Variants in SPANXN4 observed in about 807,000 individuals in gnomAD.
SPANXN4 encodes the protein SPANX family member N4.
SPANXN4 carries 5 observed loss-of-function variants against 6.0 expected under a neutral mutation model. The observed-to-expected ratio is 0.83, with a 90% CI of 0.44 to 1.75. The LOEUF is 1.75. SPANXN4 is among the 40% of genes most tolerant of loss of function. The pLI, the probability that SPANXN4 is intolerant of heterozygous loss-of-function variation, is 0.02. For synonymous variants in SPANXN4, 45 were observed against 38.0 expected, an observed-to-expected ratio of 1.19 and a Z score of -0.68; for missense variants, 157 against 108.6, an observed-to-expected ratio of 1.45 and a Z score of -1.98.
intron 1 of SPANXN4, among the ~76,000 whole-genome samples, chrX:143,031,816 G>C (rs184243035): frequency 2.7e-5 from 3 of 111,635 alleles, no homozygotes; most frequent in East Asian, 2.8e-4. Context: ...TGGATGTCGG[G>C]GGCTGACTGG....
intron 2 of SPANXN4, chrX:143,034,257 A>T: frequency 8.7e-7 from 1 of 1,144,732 alleles, no homozygotes; most frequent in East Asian, 3.2e-5. Flanking sequence ...TCCAAATTGG[A>T]CAAATCATCA....
chrX:143,027,792 A>G (rs142890640), intron 1 of SPANXN4, among the ~76,000 whole-genome samples: 1 of 109,660 alleles, frequency 9.1e-6, no homozygotes, highest in Non-Finnish European at 1.9e-5. Flanking sequence ...AGGGGGCTCA[A>G]CTGTTAGAGG....
intron 1 of SPANXN4, among the ~76,000 whole-genome samples, chrX:143,032,749 C>A (rs1569429569): frequency 1.8e-5 from 2 of 111,421 alleles, no homozygotes; most frequent in Non-Finnish European, 3.8e-5. Flanking sequence ...GAATGAGTAT[C>A]TCCAGAGGGT....
downstream of SPANXN4, among the ~76,000 whole-genome samples, chrX:143,038,187 A>G (rs58801313): frequency 1.7e-3 from 195 of 112,042 alleles, 1 homozygote; most frequent in African/African-American, 6.2e-3. Flanking sequence ...CACTTGCACT[A>G]GTGACATTTG....
chrX:143,032,329 G>A (rs1005729002), intron 1 of SPANXN4, among the ~76,000 whole-genome samples: 2 of 111,166 alleles, frequency 1.8e-5, no homozygotes, highest in Admixed American at 1.9e-4. Flanking sequence ...AAGGCCTTTG[G>A]GTGTGTGCCT....
intron 1 of SPANXN4, among the ~76,000 whole-genome samples, chrX:143,030,176 G>C (rs1932801924): frequency 9.0e-6 from 1 of 110,851 alleles, no homozygotes; most frequent in African/African-American, 3.3e-5. Context: ...TGCACAGCTG[G>C]AAGTATCCCA....
At chrX:143,026,782 A>C (rs1478160302) in intron 1 of SPANXN4, among the ~76,000 whole-genome samples, 2 of 110,986 alleles carry the variant, frequency 1.8e-5, no homozygotes, top group Non-Finnish European at 3.8e-5. Context: ...AGGGAGATAA[A>C]GAGGGATATG....
At chrX:143,035,943 A>G (rs944695974), downstream of SPANXN4, among the ~76,000 whole-genome samples, 2 of 105,628 alleles carry the variant, frequency 1.9e-5, no homozygotes, top group Admixed American at 1.1e-4. Flanking sequence ...TCCCACCCCC[A>G]ATGTTTCATT....
downstream of SPANXN4, among the ~76,000 whole-genome samples, chrX:143,037,356 T>C: frequency 8.9e-6 from 1 of 111,967 alleles, no homozygotes; most frequent in Middle Eastern, 4.6e-3. Context: ...TGCATACTTA[T>C]CTTCTCCCTT....
chrX:143,035,065 G>A (rs868435761), downstream of SPANXN4, among the ~76,000 whole-genome samples: 172 of 77,329 alleles, frequency 2.2e-3, 2 homozygotes, highest in Admixed American at 3.7e-3. Flanking sequence ...GACAGAGTGA[G>A]ACTCTGTCTC....
intron 1 of SPANXN4, among the ~76,000 whole-genome samples, chrX:143,028,371 A>C (rs962013705): frequency 1.8e-4 from 20 of 110,657 alleles, no homozygotes; most frequent in Admixed American, 1.9e-4. Context: ...GATTTGAGGA[A>C]ATGGCTCATA....
At chrX:143,032,056 G>C (rs991229912) in intron 1 of SPANXN4, among the ~76,000 whole-genome samples, 3 of 111,957 alleles carry the variant, frequency 2.7e-5, no homozygotes, top group Non-Finnish European at 5.6e-5. Context: ...GTTGGTGGAG[G>C]GTGTTTGCAT....
intron 1 of SPANXN4, among the ~76,000 whole-genome samples, chrX:143,031,198 G>T (rs985700718): frequency 3.6e-5 from 4 of 110,770 alleles, no homozygotes; most frequent in African/African-American, 1.3e-4. Flanking sequence ...GGTGAAGGAG[G>T]GTGTTGAATA....
intron 1 of SPANXN4, among the ~76,000 whole-genome samples, chrX:143,031,935 A>G (rs1411945654): frequency 8.9e-6 from 1 of 111,886 alleles, no homozygotes; most frequent in Non-Finnish European, 1.9e-5. Flanking sequence ...GCTAGAAGGC[A>G]TGATATCGTA....
chrX:143,028,473 G>T (rs1030330879), intron 1 of SPANXN4, among the ~76,000 whole-genome samples: 2 of 111,056 alleles, frequency 1.8e-5, no homozygotes, highest in African/African-American at 3.3e-5. Context: ...ATTACATGAA[G>T]ATTAGGGGAG....
rs746380329 is a variant in SPANXN4 at position 143,033,541 on chromosome X, A to G, written c.79-487A>G. The stretch of plus-strand genomic sequence containing the variant: ...ACCACTTACAGGCTGGGGTACTTAC[A>G]GGTATTGGTGGGAGGCAGCTGGGCA... On this transcript the variant is annotated intron_variant, in intron 1 of 2. Transcript: ENST00000370504. 2.8e-3 allele frequency among the ~76,000 whole-genome samples: 314 copies of G among 111,622 alleles called. 4 individuals carry two copies. Among genetic ancestry groups the G allele is most frequent in the African/African-American group, 9.9e-3 (304 of 30,694 alleles).
intron 1 of SPANXN4, among the ~76,000 whole-genome samples, 156 bp from the exon 2 acceptor site, chrX:143,033,869 C>G (rs1932826232): frequency 9.0e-6 from 1 of 111,174 alleles, no homozygotes. Context: ...CTCTTCTTCC[C>G]CATAGATCCC....
downstream of SPANXN4, among the ~76,000 whole-genome samples, chrX:143,037,331 T>A (rs1932848721): frequency 8.9e-6 from 1 of 111,963 alleles, no homozygotes. Flanking sequence ...AATTAGAGCA[T>A]ATGCTTTCTC....
At chrX:143,029,073 G>C (rs1932794183) in intron 1 of SPANXN4, among the ~76,000 whole-genome samples, 1 of 111,219 alleles carries the variant, frequency 9.0e-6, no homozygotes, top group African/African-American at 3.3e-5. Flanking sequence ...TATACAGGTT[G>C]TATGCTGGGA....
Sources: gnomAD v4.1 joint callset for allele counts (sites outside exome capture counted in the v4.1 genomes callset) on GRCh38, gnomAD v4.1.1 for gene constraint, MANE v1.5 for transcripts, NCBI Gene and HGNC (gene_info 2026-07-23, HGNC 2026-07-21) for gene names.